Variants in NHERF1 observed in about 807,000 individuals in gnomAD.
The protein encoded by NHERF1 is NHERF family PDZ scaffold protein 1.
chr17:74,767,985 G>T, the NHERF1 span: 22 of 738,270 alleles, frequency 3.0e-5, no homozygotes, highest in Middle Eastern at 1.8e-3. Context: ...ATGTAAAAAG[G>T]AGCCCCAGCA....
chr17:74,762,258 G>GCT, the NHERF1 span: 1 of 1,504,304 alleles, frequency 6.6e-7, no homozygotes, highest in Non-Finnish European at 9.2e-7. This position sits in a 1 kb window ranked among gnomAD's most constrained non-coding sequence, Gnocchi z 4.2. Context: ...TACCATCATG[G>GCT]GCTTGATTAG....
At chr17:74,766,842 G>C in the NHERF1 span, 2 of 1,163,422 alleles carry the variant, frequency 1.7e-6, no homozygotes, top group Non-Finnish European at 2.6e-6. Context: ...CAGGGAACAA[G>C]ATCTAATAAT....
chr17:74,764,638 A>G, the NHERF1 span, among the ~76,000 whole-genome samples: 1 of 151,328 alleles, frequency 6.6e-6, no homozygotes, highest in Non-Finnish European at 1.5e-5. The surrounding 1 kb of genome is among the most constrained non-coding windows in gnomAD (Gnocchi z 4.9). Flanking sequence ...CCACCCCTTC[A>G]CCCTGCAGGT....
At chr17:74,768,956 GATCATGGGACCAGGCGAGAGGGCA>G in the NHERF1 span, 1 of 444,848 alleles carries the variant, frequency 2.2e-6, no homozygotes, top group Non-Finnish European at 4.1e-6. Context: ...ACCATGCCAG[GATCATGGGACCAGGCGAGAGGGCA>G]CCCTCCCTTC....
the NHERF1 span, among the ~76,000 whole-genome samples, chr17:74,759,659 A>G: frequency 6.6e-6 from 1 of 152,358 alleles, no homozygotes; most frequent in Non-Finnish European, 1.5e-5. Context: ...TTCAGCTCCC[A>G]GCCTACCTCC....
At chr17:74,749,072 G>T in the NHERF1 span, 3 of 1,593,010 alleles carry the variant, frequency 1.9e-6, no homozygotes, top group Admixed American at 1.8e-5. The surrounding 1 kb of genome is among the most constrained non-coding windows in gnomAD (Gnocchi z 5.6). Context: ...CCAGCAGGTG[G>T]TGAGCCGCAT....
the NHERF1 span, chr17:74,768,420 C>G: frequency 6.3e-7 from 1 of 1,599,762 alleles, no homozygotes; most frequent in Admixed American, 1.7e-5. Flanking sequence ...ACCAGGGAGC[C>G]TAATGAGGGA....
At chr17:74,748,823 G>A in the NHERF1 span, 3 of 1,574,174 alleles carry the variant, frequency 1.9e-6, no homozygotes, top group Non-Finnish European at 2.6e-6. This position sits in a 1 kb window ranked among gnomAD's most constrained non-coding sequence, Gnocchi z 4.3. Context: ...CCCAAGTCGC[G>A]CCGCTGACCC....
chr17:74,749,266 C>A, the NHERF1 span: 2 of 1,529,188 alleles, frequency 1.3e-6, no homozygotes, highest in Non-Finnish European at 1.7e-6. The surrounding 1 kb of genome is among the most constrained non-coding windows in gnomAD (Gnocchi z 5.6). Context: ...CTCGCGAGGC[C>A]GACAAGAGCC....
chr17:74,750,530 T>C, the NHERF1 span, among the ~76,000 whole-genome samples: 1 of 152,038 alleles, frequency 6.6e-6, no homozygotes, highest in South Asian at 2.1e-4. Flanking sequence ...CAGAGCTGGG[T>C]GCTGGGAATG....
At chr17:74,758,151 G>A in the NHERF1 span, among the ~76,000 whole-genome samples, 2 of 152,240 alleles carry the variant, frequency 1.3e-5, no homozygotes, top group Admixed American at 6.5e-5. This position sits in a 1 kb window ranked among gnomAD's most constrained non-coding sequence, Gnocchi z 4.3. Context: ...CCCCAGAGAC[G>A]GTCACTGGGA....
chr17:74,761,867 C>A, the NHERF1 span: 2 of 757,316 alleles, frequency 2.6e-6, no homozygotes, highest in Non-Finnish European at 4.5e-6. The surrounding 1 kb of genome is among the most constrained non-coding windows in gnomAD (Gnocchi z 4.3). Context: ...GGGCCAGAAC[C>A]CTCTCAAATT....
At chr17:74,763,244 C>A in the NHERF1 span, 2 of 856,122 alleles carry the variant, frequency 2.3e-6, no homozygotes, top group Non-Finnish European at 3.6e-6. Flanking sequence ...TCAGTATCCC[C>A]AGGTTGTGAA....
At chr17:74,763,459 C>G in the NHERF1 span, 1 of 1,613,404 alleles carries the variant, frequency 6.2e-7, no homozygotes, top group Non-Finnish European at 8.5e-7. Context: ...TGGTGGTGGA[C>G]AGGGAAACTG....
At chr17:74,763,887 C>T in the NHERF1 span, among the ~76,000 whole-genome samples, 19 of 152,246 alleles carry the variant, frequency 1.2e-4, no homozygotes, top group African/African-American at 3.1e-4. Flanking sequence ...GGGTTAACTC[C>T]GGGGAGGCCT....
chr17:74,748,728 C>A, the NHERF1 span: 1 of 911,866 alleles, frequency 1.1e-6, no homozygotes, highest in East Asian at 2.8e-5. The surrounding 1 kb of genome is among the most constrained non-coding windows in gnomAD (Gnocchi z 4.3). Flanking sequence ...TTGGCCCGTC[C>A]GGCGGCTCAG....
the NHERF1 span, among the ~76,000 whole-genome samples, chr17:74,764,232 T>G: frequency 6.6e-6 from 1 of 152,210 alleles, no homozygotes. The surrounding 1 kb of genome is among the most constrained non-coding windows in gnomAD (Gnocchi z 4.9). Flanking sequence ...GGGTGGAACC[T>G]CTTGGGACTT....
At chr17:74,754,442 G>C in the NHERF1 span, among the ~76,000 whole-genome samples, 4 of 115,976 alleles carry the variant, frequency 3.4e-5, no homozygotes, top group Non-Finnish European at 6.6e-5. Flanking sequence ...TTGCTCTGTT[G>C]CCCAGGCTGG....
At chr17:74,758,319 G>A in the NHERF1 span, among the ~76,000 whole-genome samples, 1 of 152,200 alleles carries the variant, frequency 6.6e-6, no homozygotes, top group Non-Finnish European at 1.5e-5. This position sits in a 1 kb window ranked among gnomAD's most constrained non-coding sequence, Gnocchi z 4.3. Flanking sequence ...GATGAAGGGA[G>A]GAAGCCTGAG....
Sources: allele counts gnomAD v4.1 joint callset (sites outside exome capture counted in the v4.1 genomes callset), GRCh38; gene constraint gnomAD v4.1.1; non-coding constraint Gnocchi (gnomAD v3.1); transcripts MANE v1.5; gene names NCBI Gene and HGNC (gene_info 2026-07-23, HGNC 2026-07-21).